The following FRRS1 variants were observed in gnomAD, a reference collection of about 807,000 sequenced individuals.
FRRS1 encodes the protein ferric chelate reductase 1.
Under a neutral mutation model 70.7 loss-of-function variants are expected in FRRS1, and 51 were observed. The ratio of observed to expected loss-of-function variants is 0.72; its 90% CI spans 0.58 to 0.91. The LOEUF is 0.91. FRRS1 is among the 40% of genes least tolerant of loss of function. The probability of loss-of-function intolerance (pLI) is 0.00; values close to 1 mark genes in which losing one functional copy is unlikely to be tolerated. For synonymous variants in FRRS1, 225 were observed against 238.7 expected (o/e 0.94, Z 0.53); for missense variants, 672 against 726.0 (o/e 0.93, Z 0.86).
chr1:99,761,423 G>A (rs893494782), intron 1 of FRRS1, among the ~76,000 whole-genome samples: 2 of 152,076 alleles, frequency 1.3e-5, no homozygotes, highest in African/African-American at 4.8e-5. Flanking sequence ...CACCTCACCT[G>A]ACCAATTTTT....
At chr1:99,750,736 C>T (rs984232550) in intron 1 of FRRS1, among the ~76,000 whole-genome samples, 4 of 149,312 alleles carry the variant, frequency 2.7e-5, no homozygotes, top group African/African-American at 4.9e-5. Context: ...ACAAAAGGTA[C>T]AACAAATGTG....
At chr1:99,718,655 C>G (rs1007665019) in intron 10 of FRRS1, among the ~76,000 whole-genome samples, 7 of 152,054 alleles carry the variant, frequency 4.6e-5, no homozygotes, top group Non-Finnish European at 1.0e-4. Context: ...GGCTACTGTT[C>G]TTGAACTTCA....
rs115750209 is a variant in FRRS1 at position 99,728,282 on chromosome 1, G to A, written c.1006+211C>T. 8.5e-3 allele frequency among the ~76,000 whole-genome samples: 1,299 copies of A among 152,204 alleles called. 16 individuals carry two copies. The highest frequency in any genetic ancestry group is 0.029 in the African/African-American group (1,215 of 41,530). On this transcript the variant is annotated intron_variant, in intron 9 of 16. Transcript: ENST00000646001. Reference sequence around the variant, plus strand: ...TCAGAAGCCATTTTTGTCTTGAGCCGTGTTGCCTTATAACACAAGGGACAC... The same window carrying A: ...TCAGAAGCCATTTTTGTCTTGAGCCATGTTGCCTTATAACACAAGGGACAC...
chr1:99,712,383 T>C (rs766481056), intron 13 of FRRS1, 35 bp downstream of exon 13: 3 of 1,394,998 alleles, frequency 2.2e-6, no homozygotes, highest in Non-Finnish European at 3.0e-6. Flanking sequence ...GATATCTACA[T>C]TAAGAGAGCA....
At chr1:99,714,979 T>C (rs975043268) in intron 12 of FRRS1, among the ~76,000 whole-genome samples, 1 of 152,186 alleles carries the variant, frequency 6.6e-6, no homozygotes, top group African/African-American at 2.4e-5. Context: ...ATTTGTGACA[T>C]GGGATTATTA....
rs745900895 is a variant in FRRS1, at chr1:99,748,802, T to C, written c.1-34A>G. On this transcript the variant is annotated intron_variant, in intron 2 of 16. Coordinates refer to ENST00000646001, the MANE Select transcript of FRRS1 (RefSeq NM_001361041.2). ...GAAGGGTAAAAGCCCATTATTGTCATATATAATTAAAATATAAAAGCTTTT... is the reference window on the plus strand; with the variant it reads ...GAAGGGTAAAAGCCCATTATTGTCACATATAATTAAAATATAAAAGCTTTT... 7.3e-6 allele frequency: 11 copies of C among 1,511,140 alleles called. No individual in the cohort carries two copies. In the African/African-American group the frequency reaches 9.8e-5, roughly 13 times the overall value. 93.6% of individuals were successfully genotyped at this position (1,511,140 alleles called of 1,614,324 possible).
At chr1:99,747,583 T>C in intron 3 of FRRS1, 153 bp from the exon 4 acceptor site, 2 of 678,064 alleles carry the variant, frequency 2.9e-6, no homozygotes, top group South Asian at 4.6e-5. Context: ...GCTCTAAACT[T>C]TTTCCATAAA....
intron 3 of FRRS1, chr1:99,748,167 T>TAA (rs35201062): frequency 0.48 from 78,193 of 162,456 alleles, 23,077 homozygotes; most frequent in African/African-American, 0.85. Context: ...TTGCAAAAAA[T>TAA]AGTTTGCAAA....
intron 3 of FRRS1, 124 bp from the exon 4 acceptor site, chr1:99,747,554 T>C: frequency 1.1e-6 from 1 of 891,500 alleles, no homozygotes; most frequent in Non-Finnish European, 1.7e-6. Flanking sequence ...GAGAAAACAG[T>C]CATCTTATAG....
At position 99,715,558 on chromosome 1, in the gene FRRS1, A is replaced by T. The variant is rs920492405; in HGVS notation, c.1323+28T>A. The T allele has an allele frequency of 3.7e-6, 5 of 1,339,932 alleles. No homozygotes were observed. The Admixed American group carries it at 9.1e-5, about 24-fold the overall frequency. 83.0% of individuals were successfully genotyped at this position (1,339,932 alleles called of 1,614,324 possible). Reference sequence around the variant, plus strand: ...TGTTTTGACATAAAATGGATTTATAAAAAAAACCCTATTTAAGATATACTT... The same window carrying T: ...TGTTTTGACATAAAATGGATTTATATAAAAAACCCTATTTAAGATATACTT... On this transcript the variant is annotated intron_variant, in intron 12 of 16. Transcript: ENST00000646001.
intron 9 of FRRS1, among the ~76,000 whole-genome samples, chr1:99,726,672 C>T (rs1205113874): frequency 6.6e-6 from 1 of 152,186 alleles, no homozygotes; most frequent in Non-Finnish European, 1.5e-5. Context: ...AATACTTGAC[C>T]TTTTCCTCAT....
intron 1 of FRRS1, among the ~76,000 whole-genome samples, chr1:99,766,130 A>C (rs573302710): frequency 6.6e-6 from 1 of 152,204 alleles, no homozygotes; most frequent in African/African-American, 2.4e-5. Context: ...TTTTAACGAC[A>C]CACCAGGGCT....
chr1:99,754,496 AG>A (rs1656729288), intron 1 of FRRS1, among the ~76,000 whole-genome samples: 2 of 109,518 alleles, frequency 1.8e-5, no homozygotes, highest in Admixed American at 1.9e-4. Flanking sequence ...AAAGAGAGAG[AG>A]AGAGAGAGAA....
chr1:99,718,873 A>G (rs1204774835), intron 10 of FRRS1, among the ~76,000 whole-genome samples: 1 of 152,192 alleles, frequency 6.6e-6, no homozygotes, highest in Non-Finnish European at 1.5e-5. Context: ...CATAAAAGTT[A>G]AATTAACCCA....
rs751502457 is a variant in FRRS1 at position 99,740,934 on chromosome 1, T to G, written c.435A>C (p.Thr145=). The change falls in exon 6 of 17, where the codon ACA becomes ACC. Residue 145 remains threonine (T), a synonymous_variant. Transcript: ENST00000646001. ...SAPNHTQFLV[T]VVEKYKIYWV... is the part of the protein sequence containing the mutation. ...AGTAGATTTTATACTTCTCAACAACTGTGACTCTGAAATGCAATACCAGTG... is the reference window on the plus strand; with the variant it reads ...AGTAGATTTTATACTTCTCAACAACGGTGACTCTGAAATGCAATACCAGTG... 1 of 1,611,412 alleles carries G rather than the reference T, an allele frequency of 6.2e-7. No individual in the cohort carries two copies. Among genetic ancestry groups the G allele is most frequent in the South Asian group, 1.1e-5 (1 of 91,006 alleles).
chr1:99,764,602 T>C (rs572329451), intron 1 of FRRS1, among the ~76,000 whole-genome samples: 4 of 152,318 alleles, frequency 2.6e-5, no homozygotes, highest in East Asian at 1.9e-4. Flanking sequence ...TACTGTCCTA[T>C]GATACAATGA....
chr1:99,749,755 C>T lies in FRRS1; in HGVS notation c.-105-754G>A, dbSNP rs537582887. On this transcript the variant is annotated intron_variant, in intron 1 of 16. Coordinates refer to ENST00000646001, the MANE Select transcript of FRRS1 (RefSeq NM_001361041.2). ...CTCTTAGCATCTGGATAATAGAAAA[C>T]CAGCTACTTTACCTCAGTCCCACAC... Among the ~76,000 whole-genome samples the T allele has an allele frequency of 3.3e-5, 5 of 152,284 alleles. No homozygotes were observed. In the South Asian group the frequency reaches 1.0e-3, roughly 32 times the overall value.
rs1553174674 is a variant in FRRS1, at chr1:99,753,231, A to AAG, written c.-105-4231_-105-4230insCT. ...TCTGTCTCGATTTAAAAAAAAAAAA[A>AAG]AAAAAAAGGCTGGGTGCGGTGGCTC... On this transcript the variant is annotated intron_variant, in intron 1 of 16. Transcript: ENST00000646001. 2.7e-3 allele frequency among the ~76,000 whole-genome samples: 406 copies of AAG among 148,546 alleles called. 6 individuals carry two copies. Among genetic ancestry groups the AAG allele is most frequent in the African/African-American group, 9.6e-3 (387 of 40,384 alleles).
At chr1:99,744,262 CATT>C (rs1404983106) in intron 4 of FRRS1, among the ~76,000 whole-genome samples, 1 of 152,066 alleles carries the variant, frequency 6.6e-6, no homozygotes, top group Non-Finnish European at 1.5e-5. Context: ...AAAGCAAAGT[CATT>C]ATATGACAAC....
Sources: gnomAD v4.1 joint callset for allele counts (sites outside exome capture counted in the v4.1 genomes callset) on GRCh38, gnomAD v4.1.1 for gene constraint, MANE v1.5 for transcripts, NCBI Gene and HGNC (gene_info 2026-07-23, HGNC 2026-07-21) for gene names.